ANKRD30A: variants seen among roughly 807,000 people sequenced by gnomAD.
ANKRD30A encodes ankyrin repeat domain-containing protein 30A.
Under a neutral mutation model 166.3 loss-of-function variants are expected in ANKRD30A, and 170 were observed. That is an observed-to-expected ratio of 1.02 (90% CI 0.90 to 1.16). ANKRD30A has a LOEUF of 1.16. Among genes scored for constraint, ANKRD30A ranks in the 50% most tolerant of loss-of-function variants. The pLI, the probability that ANKRD30A is intolerant of heterozygous loss-of-function variation, is 0.00. For missense variants in ANKRD30A, 1,630 were observed against 1,518.0 expected (o/e 1.07, Z -1.23); for synonymous variants, 564 against 508.9 (o/e 1.11, Z -1.46).
At chr10:37,167,592 T>C (rs1374745805) in intron 19 of ANKRD30A, among the ~76,000 whole-genome samples, 1 of 151,814 alleles carries the variant, frequency 6.6e-6, no homozygotes, top group East Asian at 1.9e-4. Flanking sequence ...TAAATTTAAA[T>C]GAAATACATC....
chr10:37,249,303 G>A, the ANKRD30A span, among the ~76,000 whole-genome samples: 2 of 152,164 alleles, frequency 1.3e-5, no homozygotes, highest in Non-Finnish European at 2.9e-5. Context: ...AGTCCTTGTT[G>A]ACTGTGATTC....
chr10:37,154,367 A>T (rs1262850447), intron 13 of ANKRD30A, among the ~76,000 whole-genome samples: 1 of 152,234 alleles, frequency 6.6e-6, no homozygotes, highest in African/African-American at 2.4e-5. Context: ...ATTTTTAAAA[A>T]GTTCTCAGGT....
At chr10:37,201,193 G>A in intron 30 of ANKRD30A, 42 bp from the exon 31 acceptor site, 1 of 1,409,168 alleles carries the variant, frequency 7.1e-7, no homozygotes, top group Non-Finnish European at 9.6e-7. Context: ...TCATTATTAG[G>A]ATTTTTCCAT....
At chr10:37,161,675 C>T (rs773556012) in intron 15 of ANKRD30A, among the ~76,000 whole-genome samples, 14 of 152,076 alleles carry the variant, frequency 9.2e-5, no homozygotes, top group Non-Finnish European at 1.9e-4. Flanking sequence ...GGGGGAACCA[C>T]AGTGACTCAT....
intron 9 of ANKRD30A, among the ~76,000 whole-genome samples, 160 bp from the exon 10 acceptor site, chr10:37,149,491 G>A (rs1264013857): frequency 2.0e-5 from 3 of 151,908 alleles, no homozygotes; most frequent in Non-Finnish European, 4.4e-5. Flanking sequence ...TATTCCTGTC[G>A]TGTGTGTGTC....
Position 37,158,433 on chromosome 10 carries a change from A to G in ANKRD30A, c.1827+13A>G. On this transcript the variant is annotated intron_variant, in intron 14 of 35. Transcript: ENST00000361713. ...TGGTCTTCTGAAGGTAATAACTTTT[A>G]TATTTTTGTCTTGAGTATCAACTAC... The G allele has an allele frequency of 1.2e-6, 2 of 1,611,860 alleles. No homozygotes were observed. Among genetic ancestry groups the G allele is most frequent in the Non-Finnish European group, 1.7e-6 (2 of 1,178,480 alleles).
Position 37,167,287 on chromosome 10 carries a change from A to AATATATATATATATATAT in ANKRD30A, c.2155+607_2155+608insTATATATATATATATATA, listed in dbSNP as rs61480898. Among the ~76,000 whole-genome samples, 92 of 126,552 alleles carry AATATATATATATATATAT rather than the reference A, an allele frequency of 7.3e-4. 1 individual carries two copies. Among genetic ancestry groups the AATATATATATATATATAT allele is most frequent in the African/African-American group, 2.9e-3 (82 of 28,442 alleles). The allele number at this position is 126,552 out of a possible 152,430, so 83.0% of individuals were successfully genotyped here. A position where few individuals can be genotyped will look rare whatever the true frequency, so the allele number is the denominator to read the frequency against. ...TTTTCTTTATTACTATGAGGCGTCAAATATATATATATATAGATGTGTGCA... is the reference window on the plus strand; with the variant it reads ...TTTTCTTTATTACTATGAGGCGTCAAATATATATATATATATATATATATATATATATAGATGTGTGCA... On this transcript the variant is annotated intron_variant, in intron 19 of 35. Transcript: ENST00000361713.
intron 13 of ANKRD30A, among the ~76,000 whole-genome samples, chr10:37,156,000 G>T (rs1838349228): frequency 6.6e-6 from 1 of 151,496 alleles, no homozygotes; most frequent in Non-Finnish European, 1.5e-5. Flanking sequence ...AAAATGGCGT[G>T]AACTTGGGAG....
In ANKRD30A at chr10:37,157,604, C is replaced by T. The variant is rs571533451; in HGVS notation, c.1799-788C>T. Among the ~76,000 whole-genome samples, 464 of 152,194 alleles carry T rather than the reference C, an allele frequency of 3.0e-3. 1 individual carries two copies. The highest frequency in any genetic ancestry group is 4.8e-3 in the Non-Finnish European group (325 of 68,014). ...GCCAGGCTGGTTTGGAACTCCTGGC[C>T]TCCAGAGATCCGCCCTCCTCAGCCT... On this transcript the variant is annotated intron_variant, in intron 13 of 35. Transcript: ENST00000361713.
intron 31 of ANKRD30A, among the ~76,000 whole-genome samples, chr10:37,215,397 T>C (rs1332565753): frequency 1.3e-5 from 2 of 151,460 alleles, no homozygotes; most frequent in Non-Finnish European, 3.0e-5. Flanking sequence ...TGCTAAATAG[T>C]AGGAGGGGTT....
At chr10:37,242,708 A>G in the ANKRD30A span, among the ~76,000 whole-genome samples, 45 of 152,192 alleles carry the variant, frequency 3.0e-4, no homozygotes, top group Non-Finnish European at 5.6e-4. Context: ...GATGGAAAAC[A>G]GGCAAGAACC....
chr10:37,157,449 T>A (rs1838469630), intron 13 of ANKRD30A, among the ~76,000 whole-genome samples: 1 of 152,224 alleles, frequency 6.6e-6, no homozygotes, highest in African/African-American at 2.4e-5. Flanking sequence ...CATTGCAACA[T>A]CTGCCTCCTG....
chr10:37,222,815 A>G (rs1842958234), intron 34 of ANKRD30A, among the ~76,000 whole-genome samples: 1 of 151,390 alleles, frequency 6.6e-6, no homozygotes, highest in African/African-American at 2.4e-5. Flanking sequence ...GTGCAGAACA[A>G]TTTAACTTTC....
At chr10:37,236,320 T>G (rs1331313169), downstream of ANKRD30A, among the ~76,000 whole-genome samples, 1 of 152,146 alleles carries the variant, frequency 6.6e-6, no homozygotes, top group Non-Finnish European at 1.5e-5. Context: ...AAGACATGGC[T>G]CAGATGTGCA....
chr10:37,232,697 T>TAGAGAGAGAGAGAGAGAGAG (rs5784546), downstream of ANKRD30A: 19 of 78,406 alleles, frequency 2.4e-4, no homozygotes, highest in African/African-American at 8.8e-4. Flanking sequence ...TATATATAAA[T>TAGAGAGAGAGAGAGAGAGAG]AGAGAGAGAG....
chr10:37,210,810 G>A (rs1017387824), intron 31 of ANKRD30A, among the ~76,000 whole-genome samples: 7 of 151,982 alleles, frequency 4.6e-5, no homozygotes, highest in Non-Finnish European at 5.9e-5. Flanking sequence ...TTTATGATGG[G>A]GTTGTTTGTT....
intron 13 of ANKRD30A, among the ~76,000 whole-genome samples, chr10:37,155,063 G>T (rs1009391586): frequency 1.3e-5 from 2 of 152,098 alleles, no homozygotes; most frequent in Admixed American, 6.6e-5. Context: ...CAAATAACAT[G>T]ATACACGAAA....
chr10:37,264,054 T>A, the ANKRD30A span, among the ~76,000 whole-genome samples: 1 of 152,192 alleles, frequency 6.6e-6, no homozygotes, highest in African/African-American at 2.4e-5. Flanking sequence ...GAAACATTGT[T>A]AAGAGGCAAT....
chr10:37,216,872 C>T (rs1211987203), intron 32 of ANKRD30A, among the ~76,000 whole-genome samples: 1 of 150,846 alleles, frequency 6.6e-6, no homozygotes, highest in Non-Finnish European at 1.5e-5. Flanking sequence ...ACAAAGAGAG[C>T]GTGAAATGGC....
Sources: allele counts gnomAD v4.1 joint callset (sites outside exome capture counted in the v4.1 genomes callset), GRCh38; gene constraint gnomAD v4.1.1; transcripts MANE v1.5; gene names NCBI Gene and HGNC (gene_info 2026-07-23, HGNC 2026-07-21).